PREX2: variants seen among roughly 807,000 people sequenced by gnomAD.
PREX2 encodes phosphatidylinositol 3,4,5-trisphosphate-dependent Rac exchanger 2 protein.
In PREX2, 107 loss-of-function variants were observed where a neutral mutation model predicts 203.2. That is an observed-to-expected ratio of 0.53 (90% CI 0.45 to 0.62). The LOEUF (loss-of-function observed/expected upper bound fraction) is 0.62, where lower values mean the gene tolerates loss of function less well. PREX2 is among the 20% of genes least tolerant of loss of function. The pLI is 0.00. For synonymous variants in PREX2, 672 were observed against 663.6 expected, an observed-to-expected ratio of 1.01 and a Z score of -0.19; for missense variants, 1,777 against 1,955.9, an observed-to-expected ratio of 0.91 and a Z score of 1.72.
At chr8:68,181,509 T>A (rs1423899632) in intron 35 of PREX2, among the ~76,000 whole-genome samples, 3 of 152,134 alleles carry the variant, frequency 2.0e-5, no homozygotes, top group Admixed American at 2.0e-4. Flanking sequence ...TTTGGAAGTT[T>A]AAAATAGGGT....
At chr8:67,982,678 C>T (rs1476358840) in intron 1 of PREX2, among the ~76,000 whole-genome samples, 2 of 152,084 alleles carry the variant, frequency 1.3e-5, no homozygotes, top group Admixed American at 1.3e-4. Context: ...TGTATAAGAA[C>T]AGCTGATAGT....
At chr8:68,102,344 C>G (rs920461885) in intron 23 of PREX2, among the ~76,000 whole-genome samples, 1 of 152,148 alleles carries the variant, frequency 6.6e-6, no homozygotes, top group African/African-American at 2.4e-5. Flanking sequence ...GGCCTATGTG[C>G]TTTAAAAGCT....
intron 31 of PREX2, among the ~76,000 whole-genome samples, chr8:68,131,076 A>T (rs1811000491): frequency 6.6e-6 from 1 of 152,204 alleles, no homozygotes; most frequent in Non-Finnish European, 1.5e-5. Flanking sequence ...GTGTGGCTCA[A>T]AGAGGACAGG....
chr8:68,136,785 C>T (rs553211904), intron 32 of PREX2, among the ~76,000 whole-genome samples: 2 of 152,312 alleles, frequency 1.3e-5, no homozygotes, highest in African/African-American at 2.4e-5. Flanking sequence ...TGTGTCTCCA[C>T]GCTGCCCTCC....
At chr8:67,966,050 C>T (rs186348391) in intron 1 of PREX2, among the ~76,000 whole-genome samples, 1,701 of 152,162 alleles carry the variant, frequency 0.011, 17 homozygotes, top group Non-Finnish European at 0.017. Context: ...TTATGGTTTA[C>T]TTCATTATGA....
At chr8:68,116,249 A>G (rs191738349) in intron 26 of PREX2, among the ~76,000 whole-genome samples, 166 of 152,334 alleles carry the variant, frequency 1.1e-3, no homozygotes, top group Non-Finnish European at 1.9e-3. Context: ...CAGGATTAAC[A>G]TTGTTTTCAA....
rs1585873551 is a variant in PREX2, at chr8:68,221,201, C to G, written c.4708-3358C>G. On this transcript the variant is annotated intron_variant, in intron 38 of 39. Transcript: ENST00000288368. ...CTGCTGCAAAGAACATGATTTTATC[C>G]TTTTTATGGCATATAATATTCCATG... Among the ~76,000 whole-genome samples the G allele has an allele frequency of 2.0e-5, 3 of 152,220 alleles. 1 individual carries two copies. The highest frequency in any genetic ancestry group is 2.0e-4 in the Admixed American group (3 of 15,286).
chr8:68,066,249 A>C (rs201101709), intron 11 of PREX2, among the ~76,000 whole-genome samples: 1 of 152,156 alleles, frequency 6.6e-6, no homozygotes, highest in East Asian at 1.9e-4. Context: ...CAGAAGTAAA[A>C]TTGCTGGATC....
At chr8:68,127,947 G>A (rs1275262006) in intron 31 of PREX2, among the ~76,000 whole-genome samples, 2 of 152,010 alleles carry the variant, frequency 1.3e-5, no homozygotes, top group East Asian at 3.9e-4. Context: ...TGTCTATTTT[G>A]TTCATCAGCA....
At chr8:68,218,903 C>CTT (rs1812898263) in intron 38 of PREX2, among the ~76,000 whole-genome samples, 1 of 152,140 alleles carries the variant, frequency 6.6e-6, no homozygotes, top group African/African-American at 2.4e-5. Flanking sequence ...TGTGGGCCAG[C>CTT]TGGAAAGGGT....
At chr8:68,126,074 C>T (rs900965388) in intron 30 of PREX2, among the ~76,000 whole-genome samples, 3 of 152,094 alleles carry the variant, frequency 2.0e-5, no homozygotes, top group African/African-American at 7.2e-5. Flanking sequence ...ATCCCAATCT[C>T]AGTCTCTTAA....
chr8:68,135,160 A>G (rs1479722874), intron 32 of PREX2, among the ~76,000 whole-genome samples: 2 of 149,928 alleles, frequency 1.3e-5, no homozygotes, highest in Non-Finnish European at 3.0e-5. Flanking sequence ...TTTTTAACAC[A>G]TGGTAGGCAT....
intron 35 of PREX2, among the ~76,000 whole-genome samples, chr8:68,175,507 T>G (rs1230183156): frequency 1.3e-5 from 2 of 152,118 alleles, no homozygotes. Flanking sequence ...ACATAAACTA[T>G]TTCAGGCAAG....
chr8:68,200,223 G>A (rs1352584213), intron 37 of PREX2, among the ~76,000 whole-genome samples: 1 of 152,054 alleles, frequency 6.6e-6, no homozygotes, highest in African/African-American at 2.4e-5. Flanking sequence ...TAAAATATAT[G>A]CTTTAATTTC....
chr8:68,168,225 A>G (rs1460437613), intron 35 of PREX2, among the ~76,000 whole-genome samples: 1 of 152,172 alleles, frequency 6.6e-6, no homozygotes, highest in Non-Finnish European at 1.5e-5. Context: ...TTGCCTAAGA[A>G]TCTCTCCACA....
intron 35 of PREX2, among the ~76,000 whole-genome samples, chr8:68,172,444 C>T (rs1334151290): frequency 6.6e-6 from 1 of 152,122 alleles, no homozygotes; most frequent in Non-Finnish European, 1.5e-5. Context: ...TTGCTGCTTG[C>T]CAAGAACATT....
chr8:68,121,693 C>T (rs1267107852), intron 30 of PREX2, among the ~76,000 whole-genome samples: 1 of 152,024 alleles, frequency 6.6e-6, no homozygotes, highest in Non-Finnish European at 1.5e-5. Flanking sequence ...TGAGAATTCA[C>T]CTAGTTGTAA....
chr8:68,036,581 T>A (rs1808039171), intron 6 of PREX2, among the ~76,000 whole-genome samples: 1 of 151,308 alleles, frequency 6.6e-6, no homozygotes, highest in Non-Finnish European at 1.5e-5. Context: ...CATGATAAAG[T>A]ACATGAAATT....
intron 37 of PREX2, among the ~76,000 whole-genome samples, chr8:68,205,805 G>A (rs996254063): frequency 9.2e-5 from 14 of 152,120 alleles, no homozygotes; most frequent in African/African-American, 3.4e-4. Context: ...GCAGAAAAAC[G>A]CAAATCTTTA....
Sources: allele counts gnomAD v4.1 joint callset (sites outside exome capture counted in the v4.1 genomes callset), GRCh38; gene constraint gnomAD v4.1.1; transcripts MANE v1.5; gene names NCBI Gene and HGNC (gene_info 2026-07-23, HGNC 2026-07-21).